Variants in SGCZ observed in about 807,000 individuals in gnomAD.
SGCZ encodes zeta-sarcoglycan.
SGCZ carries 40 observed loss-of-function variants against 41.3 expected under a neutral mutation model. The ratio of observed to expected loss-of-function variants is 0.97; its 90% CI spans 0.75 to 1.26. The LOEUF is 1.26. Among genes scored for constraint, SGCZ ranks in the 50% most tolerant of loss-of-function variants. The pLI is 0.00. For missense variants in SGCZ, 552 were observed against 369.8 expected (o/e 1.49, Z -4.04); for synonymous variants, 206 against 137.5 (o/e 1.50, Z -3.49).
At chr8:14,774,406 A>G (rs902505484) in intron 1 of SGCZ, among the ~76,000 whole-genome samples, 2 of 152,212 alleles carry the variant, frequency 1.3e-5, no homozygotes, top group Non-Finnish European at 2.9e-5. Flanking sequence ...ACAGGCTATC[A>G]TCATGTAGAA....
intron 1 of SGCZ, among the ~76,000 whole-genome samples, chr8:15,054,957 A>G (rs12542000): frequency 0.74 from 110,665 of 149,210 alleles, 41,599 homozygotes; most frequent in East Asian, 0.9. Flanking sequence ...GCAAGACTCC[A>G]TCTCAAAAAA....
At chr8:14,269,695 C>T (rs956571067) in intron 3 of SGCZ, among the ~76,000 whole-genome samples, 4 of 152,020 alleles carry the variant, frequency 2.6e-5, no homozygotes, top group Admixed American at 1.3e-4. Flanking sequence ...GGACAAAATG[C>T]TATGACATGA....
intron 1 of SGCZ, among the ~76,000 whole-genome samples, chr8:14,688,394 G>T (rs1334597750): frequency 6.6e-6 from 1 of 152,112 alleles, no homozygotes; most frequent in Non-Finnish European, 1.5e-5. Flanking sequence ...AAGGGATCCA[G>T]GTTCAGCTTT....
chr8:14,817,068 C>T (rs1801926415), intron 1 of SGCZ, among the ~76,000 whole-genome samples: 1 of 152,152 alleles, frequency 6.6e-6, no homozygotes, highest in Non-Finnish European at 1.5e-5. Context: ...ATAGAGATAG[C>T]TTCTTCCACA....
chr8:14,864,021 G>A (rs1258952847), intron 1 of SGCZ, among the ~76,000 whole-genome samples: 1 of 152,094 alleles, frequency 6.6e-6, no homozygotes, highest in African/African-American at 2.4e-5. Flanking sequence ...AACAGAACGC[G>A]ACCTTCTCTT....
At chr8:15,158,795 C>G (rs1345864057) in intron 1 of SGCZ, among the ~76,000 whole-genome samples, 4 of 151,934 alleles carry the variant, frequency 2.6e-5, no homozygotes, top group African/African-American at 9.7e-5. Context: ...ATGAGGAGAC[C>G]CAGAGTGACA....
At chr8:15,223,411 T>G (rs1355557979) in intron 1 of SGCZ, among the ~76,000 whole-genome samples, 1 of 152,198 alleles carries the variant, frequency 6.6e-6, no homozygotes, top group African/African-American at 2.4e-5. Context: ...AGACGACTCC[T>G]TGTGTGACTA....
intron 3 of SGCZ, among the ~76,000 whole-genome samples, chr8:14,247,352 C>G (rs753288592): frequency 6.6e-6 from 1 of 152,246 alleles, no homozygotes; most frequent in East Asian, 1.9e-4. Context: ...ACCGATAATA[C>G]GGATGGTATT....
At chr8:14,252,510 G>C (rs1799321831) in intron 3 of SGCZ, among the ~76,000 whole-genome samples, 1 of 152,058 alleles carries the variant, frequency 6.6e-6, no homozygotes, top group Non-Finnish European at 1.5e-5. Flanking sequence ...ACTCGAGGTA[G>C]CCCATTTTCT....
chr8:14,568,512 G>A (rs1334764579), intron 1 of SGCZ, among the ~76,000 whole-genome samples: 2 of 146,126 alleles, frequency 1.4e-5, no homozygotes, highest in Admixed American at 6.9e-5. Context: ...GGATTTATAT[G>A]TCATACTCTT....
intron 1 of SGCZ, among the ~76,000 whole-genome samples, chr8:14,645,806 C>A (rs560870630): frequency 2.3e-4 from 35 of 151,754 alleles, no homozygotes; most frequent in African/African-American, 8.2e-4. Flanking sequence ...ACAATGTAAG[C>A]AAATGCAGAC....
intron 1 of SGCZ, among the ~76,000 whole-genome samples, chr8:14,729,026 G>T (rs1007629591): frequency 2.0e-5 from 3 of 152,068 alleles, no homozygotes; most frequent in Admixed American, 2.0e-4. Flanking sequence ...TTGTAATGTG[G>T]TCACTAGGAA....
chr8:14,762,971 G>C (rs1431937773), intron 1 of SGCZ, among the ~76,000 whole-genome samples: 1 of 152,128 alleles, frequency 6.6e-6, no homozygotes, highest in African/African-American at 2.4e-5. Flanking sequence ...CTGAACTTCA[G>C]CACCCTGACT....
At chr8:14,338,914 T>A (rs1208157937) in intron 2 of SGCZ, among the ~76,000 whole-genome samples, 1 of 152,194 alleles carries the variant, frequency 6.6e-6, no homozygotes, top group African/African-American at 2.4e-5. Context: ...TGCACAGTCA[T>A]TGGTCCTCCT....
In SGCZ at chr8:14,656,494, CCTCCT is replaced by C. The variant is rs201398654; in HGVS notation, c.40-101573_40-101569del. Among the ~76,000 whole-genome samples, 1,027 of 141,736 alleles carry C rather than the reference CCTCCT, an allele frequency of 7.2e-3. 18 individuals carry two copies. The highest frequency in any genetic ancestry group is 0.026 in the African/African-American group (984 of 38,104). The allele number at this position is 141,736 out of a possible 152,430, so 93.0% of individuals were successfully genotyped here. ...TTTTCTTCTCTTTCTCCCTCTCTTT[CCTCCT>C]CTCCTCTCCTTCCTTCCTTTTCTTT... On this transcript the variant is annotated intron_variant, in intron 1 of 7. Transcript: ENST00000382080.
rs148539252 is a variant in SGCZ at position 14,132,772 on chromosome 8, T to A, written c.548-24537A>T. Among the ~76,000 whole-genome samples the A allele has an allele frequency of 5.6e-3, 846 of 152,302 alleles. 6 individuals carry two copies. Among genetic ancestry groups the A allele is most frequent in the African/African-American group, 0.019 (805 of 41,578 alleles). ...TGACTTTCTGTTGCAAACTGGGCAT[T>A]TGAGTATTATAAAGTGGCAACTCTA... is the stretch of plus-strand genomic sequence containing the variant. On this transcript the variant is annotated intron_variant, in intron 5 of 7. Coordinates refer to ENST00000382080, the MANE Select transcript of SGCZ (RefSeq NM_139167.4).
chr8:14,408,033 G>C (rs542451300), intron 2 of SGCZ, among the ~76,000 whole-genome samples: 2 of 152,254 alleles, frequency 1.3e-5, no homozygotes, highest in South Asian at 4.1e-4. Flanking sequence ...GAAGGAAATA[G>C]ATATTTCATT....
intron 1 of SGCZ, among the ~76,000 whole-genome samples, chr8:14,641,598 T>A (rs573867302): frequency 6.6e-6 from 1 of 151,754 alleles, no homozygotes; most frequent in South Asian, 2.1e-4. Context: ...TTTAAAGTAA[T>A]AGCCAAATAT....
At chr8:14,287,454 G>C (rs915949901) in intron 3 of SGCZ, among the ~76,000 whole-genome samples, 3 of 151,856 alleles carry the variant, frequency 2.0e-5, no homozygotes, top group African/African-American at 7.3e-5. Context: ...GAAAAAAAGT[G>C]GCCCCAAGGT....
Sources: gnomAD v4.1 joint callset for allele counts (sites outside exome capture counted in the v4.1 genomes callset) on GRCh38, gnomAD v4.1.1 for gene constraint, MANE v1.5 for transcripts, NCBI Gene and HGNC (gene_info 2026-07-23, HGNC 2026-07-21) for gene names.